The following ITPR1 variants were observed in gnomAD, a reference collection of about 807,000 sequenced individuals.
ITPR1 encodes the protein inositol 1,4,5-trisphosphate-gated calcium channel ITPR1.
ITPR1 carries 96 observed loss-of-function variants against 318.4 expected under a neutral mutation model. The observed-to-expected ratio is 0.30, with a 90% CI of 0.26 to 0.36. The LOEUF (loss-of-function observed/expected upper bound fraction) is 0.36. Among genes scored for constraint, ITPR1 ranks in the 10% least tolerant of loss-of-function variants. The pLI is 1.00. For missense variants in ITPR1, 2,440 were observed against 3,460.2 expected, an observed-to-expected ratio of 0.71 and a Z score of 7.40; for synonymous variants, 1,312 against 1,289.9, an observed-to-expected ratio of 1.02 and a Z score of -0.37.
At chr3:4,624,718 G>A (rs1194630917) in intron 4 of ITPR1, among the ~76,000 whole-genome samples, 1 of 149,650 alleles carries the variant, frequency 6.7e-6, no homozygotes, top group South Asian at 2.1e-4. Flanking sequence ...GCAGTATTCT[G>A]TTATTTGTTG....
In ITPR1 at chr3:4,785,275, TG is replaced by T. The variant is rs142636899; in HGVS notation, c.6615+1358del. ...CTGATCTGTCTGGTCCCTGAGCCTG[TG>T]GGTCCGTTTGTACCTGCACTGTCTT... On this transcript the variant is annotated intron_variant, in intron 51 of 61. Transcript: ENST00000649015. Among the ~76,000 whole-genome samples, 969 of 152,338 alleles carry T rather than the reference TG, an allele frequency of 6.4e-3. 7 individuals carry two copies. The highest frequency in any genetic ancestry group is 0.022 in the African/African-American group (914 of 41,566).
chr3:4,835,266 T>G lies in ITPR1; in HGVS notation c.8029-1508T>G, dbSNP rs576779150. On this transcript the variant is annotated intron_variant, in intron 60 of 61. Coordinates refer to ENST00000649015, the MANE Select transcript of ITPR1 (RefSeq NM_001378452.1). ...TCAAGATACAGCTCAATGATCTCAC[T>G]TGAGTTGTAATATTTAGACATGTCT... Among the ~76,000 whole-genome samples the G allele has an allele frequency of 3.2e-4, 48 of 152,354 alleles. No individual in the cohort carries two copies. In the South Asian group the frequency reaches 9.9e-3, roughly 32 times the overall value.
In ITPR1 at chr3:4,675,125, C is replaced by T; in HGVS notation, c.2656C>T (p.Leu886=). The T allele has an allele frequency of 6.2e-7, 1 of 1,607,504 alleles. No individual in the cohort carries two copies. Among genetic ancestry groups the T allele is most frequent in the East Asian group, 2.2e-5 (1 of 44,838 alleles). The part of the protein sequence containing the change: ...YFGFYNFSDL[L]RLTKILLAIL... ...TGGTTTCTACAACTTCTCTGACCTT[C>T]TACGATTAACTAAGATCCTTCTGGC... is the stretch of plus-strand genomic sequence containing the variant. The change falls in exon 23 of 62, where the codon CTA becomes TTA. Residue 886 remains leucine (L), a synonymous_variant. Transcript: ENST00000649015.
chr3:4,771,666 C>T (rs1055791016), intron 46 of ITPR1, among the ~76,000 whole-genome samples: 5 of 152,176 alleles, frequency 3.3e-5, no homozygotes, highest in Non-Finnish European at 4.4e-5. Flanking sequence ...TTCCAAAACT[C>T]GTTCCTCAGT....
intron 4 of ITPR1, among the ~76,000 whole-genome samples, chr3:4,556,674 C>T (rs1369993587): frequency 6.6e-6 from 1 of 152,120 alleles, no homozygotes; most frequent in African/African-American, 2.4e-5. Context: ...AGTAATATTA[C>T]ATTGCCTGGA....
At chr3:4,703,319 T>C (rs956495111) in intron 36 of ITPR1, among the ~76,000 whole-genome samples, 3 of 152,168 alleles carry the variant, frequency 2.0e-5, no homozygotes, top group Non-Finnish European at 4.4e-5. Flanking sequence ...GTGGTAACTT[T>C]TTCCTGGAAA....
At chr3:4,734,718 G>T (rs1365823607) in intron 43 of ITPR1, among the ~76,000 whole-genome samples, 1 of 152,240 alleles carries the variant, frequency 6.6e-6, no homozygotes, top group Non-Finnish European at 1.5e-5. Context: ...AAAAGAGTAA[G>T]TTGGGGGTTA....
chr3:4,801,975 A>T (rs756035493), intron 54 of ITPR1, among the ~76,000 whole-genome samples: 1 of 152,162 alleles, frequency 6.6e-6, no homozygotes, highest in Non-Finnish European at 1.5e-5. Flanking sequence ...GTAGGAACTG[A>T]TCCTGTGTAA....
At chr3:4,694,951 A>G (rs1311665857) in intron 33 of ITPR1, among the ~76,000 whole-genome samples, 1 of 152,214 alleles carries the variant, frequency 6.6e-6, no homozygotes, top group East Asian at 1.9e-4. Context: ...CATACAGTAT[A>G]TATACTTTAC....
chr3:4,647,802 G>A (rs1396198728), intron 10 of ITPR1, among the ~76,000 whole-genome samples: 1 of 152,160 alleles, frequency 6.6e-6, no homozygotes, highest in East Asian at 1.9e-4. Context: ...TGTTTGTTCA[G>A]ATAGTTTGCC....
At chr3:4,814,997 C>T (rs947568591) in intron 58 of ITPR1, 56 bp from the exon 59 acceptor site, 18 of 1,471,482 alleles carry the variant, frequency 1.2e-5, no homozygotes, top group East Asian at 6.9e-5. Flanking sequence ...CCCCAGGCTC[C>T]GCAGACCAAA....
Position 4,703,771 on chromosome 3 carries a change from G to A in ITPR1, c.4657+821G>A, listed in dbSNP as rs80005611. Among the ~76,000 whole-genome samples, 376 of 152,206 alleles carry A rather than the reference G, an allele frequency of 2.5e-3. 4 individuals are homozygous for A. The highest frequency in any genetic ancestry group is 8.6e-3 in the African/African-American group (355 of 41,502). On this transcript the variant is annotated intron_variant, in intron 36 of 61. Coordinates refer to ENST00000649015, the MANE Select transcript of ITPR1 (RefSeq NM_001378452.1). Reference sequence around the variant, plus strand: ...TCTATTAGGACTGTTGCCTGATTTCGGTAGTCTCTCGCCCAGTTCCTTTAC... The same window carrying A: ...TCTATTAGGACTGTTGCCTGATTTCAGTAGTCTCTCGCCCAGTTCCTTTAC...
intron 60 of ITPR1, among the ~76,000 whole-genome samples, chr3:4,821,478 A>T (rs1026993495): frequency 2.0e-5 from 3 of 152,234 alleles, no homozygotes; most frequent in Non-Finnish European, 4.4e-5. Context: ...ATGGGTTTTC[A>T]TCTCACCCCA....
At chr3:4,687,693 A>G (rs1170117134) in intron 30 of ITPR1, among the ~76,000 whole-genome samples, 1 of 152,176 alleles carries the variant, frequency 6.6e-6, no homozygotes, top group African/African-American at 2.4e-5. Context: ...GTTTTATAGA[A>G]TTGGCTTATT....
At chr3:4,593,472 G>A (rs540677686) in intron 4 of ITPR1, among the ~76,000 whole-genome samples, 1 of 152,284 alleles carries the variant, frequency 6.6e-6, no homozygotes, top group Non-Finnish European at 1.5e-5. Context: ...AGCAGAATCT[G>A]GGTTGCATTT....
chr3:4,741,367 G>A (rs2043689106), intron 44 of ITPR1, among the ~76,000 whole-genome samples: 1 of 152,140 alleles, frequency 6.6e-6, no homozygotes, highest in African/African-American at 2.4e-5. Flanking sequence ...GTATCAAATG[G>A]CTGCCCACGT....
At chr3:4,646,814 A>G (rs767742268) in intron 10 of ITPR1, among the ~76,000 whole-genome samples, 4 of 152,148 alleles carry the variant, frequency 2.6e-5, no homozygotes, top group Admixed American at 1.3e-4. Flanking sequence ...TGCAGCATGA[A>G]TTAGAATTCT....
At chr3:4,725,611 A>C in intron 41 of ITPR1, 30 bp downstream of exon 41, 2 of 1,586,042 alleles carry the variant, frequency 1.3e-6, no homozygotes, top group Non-Finnish European at 1.7e-6. Context: ...TTGTAGCGCC[A>C]GCGCCAGCAA....
At chr3:4,613,288 A>G (rs2092239864) in intron 4 of ITPR1, among the ~76,000 whole-genome samples, 1 of 152,202 alleles carries the variant, frequency 6.6e-6, no homozygotes, top group Admixed American at 6.5e-5. Flanking sequence ...TTACATAAAC[A>G]ATAGGGGAGA....
Sources: gnomAD v4.1 joint callset for allele counts (sites outside exome capture counted in the v4.1 genomes callset) on GRCh38, gnomAD v4.1.1 for gene constraint, MANE v1.5 for transcripts, NCBI Gene and HGNC (gene_info 2026-07-23, HGNC 2026-07-21) for gene names.